The following EYS variants were observed in gnomAD, a reference collection of about 807,000 sequenced individuals.
The protein encoded by EYS is EGF-like photoreceptor maintenance factor.
EYS carries 250 observed loss-of-function variants against 282.1 expected under a neutral mutation model. The ratio of observed to expected loss-of-function variants is 0.89; its 90% CI spans 0.80 to 0.98. The LOEUF (loss-of-function observed/expected upper bound fraction) is 0.98. EYS is among the 50% of genes least tolerant of loss of function. EYS has a pLI of 0.00. For missense variants in EYS, 4,016 were observed against 3,709.0 expected (o/e 1.08, Z -2.15); for synonymous variants, 1,355 against 1,282.9 (o/e 1.06, Z -1.20).
intron 29 of EYS, among the ~76,000 whole-genome samples, chr6:64,371,779 CT>C (rs535721971): frequency 2.0e-5 from 3 of 151,712 alleles, no homozygotes; most frequent in Admixed American, 1.3e-4. Context: ...ACTTCTTTGT[CT>C]TTTTTTTAAA....
At chr6:64,308,803 A>G (rs1175175905) in intron 29 of EYS, among the ~76,000 whole-genome samples, 1 of 152,094 alleles carries the variant, frequency 6.6e-6, no homozygotes, top group African/African-American at 2.4e-5. Flanking sequence ...GTCAAAAATG[A>G]CTGAACTAGA....
intron 36 of EYS, among the ~76,000 whole-genome samples, chr6:63,836,300 G>T (rs1357467452): frequency 6.6e-6 from 1 of 151,834 alleles, no homozygotes; most frequent in African/African-American, 2.4e-5. Flanking sequence ...CAGAAATTCT[G>T]TTTGCTCTTA....
At chr6:63,862,929 T>C (rs1294677570) in intron 36 of EYS, among the ~76,000 whole-genome samples, 1 of 152,230 alleles carries the variant, frequency 6.6e-6, no homozygotes, top group African/African-American at 2.4e-5. Flanking sequence ...CTCAATTCCT[T>C]TCAAAGACCC....
At chr6:64,306,139 T>C (rs1162775890) in intron 30 of EYS, among the ~76,000 whole-genome samples, 1 of 151,966 alleles carries the variant, frequency 6.6e-6, no homozygotes, top group Non-Finnish European at 1.5e-5. Context: ...ATAACAATAA[T>C]TAGGGAAATG....
chr6:64,666,668 G>C (rs1170953441), intron 22 of EYS, among the ~76,000 whole-genome samples: 4 of 152,060 alleles, frequency 2.6e-5, no homozygotes, highest in Non-Finnish European at 5.9e-5. Flanking sequence ...CTACTAACTT[G>C]TGTTTCCAGT....
intron 36 of EYS, among the ~76,000 whole-genome samples, chr6:63,809,272 C>G (rs751473820): frequency 2.1e-4 from 32 of 152,112 alleles, no homozygotes; most frequent in Non-Finnish European, 4.0e-4. Context: ...GACTTTCAAC[C>G]TTACAAATCA....
In EYS at chr6:65,295,426, C is replaced by T. The variant is rs1229985559; in HGVS notation, c.2023+437G>A. 4.6e-5 allele frequency among the ~76,000 whole-genome samples: 7 copies of T among 151,970 alleles called. No homozygotes were observed. In the South Asian group the frequency reaches 8.3e-4, roughly 18 times the overall value. Reference sequence around the variant, plus strand: ...TTTTTCTTAAATGTTATTAACGTCACGGCATCAAACTGACCTAGACAATAC... The same window carrying T: ...TTTTTCTTAAATGTTATTAACGTCATGGCATCAAACTGACCTAGACAATAC... On this transcript the variant is annotated intron_variant, in intron 12 of 42. Transcript: ENST00000503581.
chr6:64,762,464 A>G (rs1011957142), intron 22 of EYS, among the ~76,000 whole-genome samples: 1 of 152,214 alleles, frequency 6.6e-6, no homozygotes, highest in Non-Finnish European at 1.5e-5. Context: ...GTTTCTCTGA[A>G]GAGCAACATG....
intron 32 of EYS, among the ~76,000 whole-genome samples, chr6:64,074,083 T>A (rs540414991): frequency 1.6e-4 from 24 of 151,634 alleles, no homozygotes; most frequent in African/African-American, 5.8e-4. Flanking sequence ...CATTTATTGA[T>A]TTTTTTTCTG....
At chr6:65,091,946 G>C (rs1026771428) in intron 12 of EYS, among the ~76,000 whole-genome samples, 1 of 152,034 alleles carries the variant, frequency 6.6e-6, no homozygotes, top group African/African-American at 2.4e-5. Flanking sequence ...GTGTTTTTCA[G>C]CTACCCGCCA....
intron 29 of EYS, among the ~76,000 whole-genome samples, chr6:64,334,112 A>G (rs796939525): frequency 8.5e-5 from 13 of 152,314 alleles, no homozygotes; most frequent in African/African-American, 3.1e-4. Flanking sequence ...AACATAACAC[A>G]ATGAAGAAGC....
intron 31 of EYS, among the ~76,000 whole-genome samples, chr6:64,198,280 T>TACA (rs1765358328): frequency 6.6e-6 from 1 of 152,032 alleles, no homozygotes; most frequent in Non-Finnish European, 1.5e-5. Flanking sequence ...GGGCTGGGGT[T>TACA]ACAGGTGTGA....
intron 13 of EYS, among the ~76,000 whole-genome samples, chr6:65,019,652 G>T (rs1479647266): frequency 6.6e-6 from 1 of 152,104 alleles, no homozygotes; most frequent in Non-Finnish European, 1.5e-5. Flanking sequence ...CTGTCCATTT[G>T]CCTAGCTTGC....
intron 22 of EYS, among the ~76,000 whole-genome samples, chr6:64,749,946 T>C (rs1015747583): frequency 6.6e-6 from 1 of 152,086 alleles, no homozygotes; most frequent in Non-Finnish European, 1.5e-5. Flanking sequence ...TCATTACTTA[T>C]ATCTTTTAAT....
chr6:64,093,102 CATTGGTCT>C (rs1302994808), intron 31 of EYS, among the ~76,000 whole-genome samples: 26 of 151,936 alleles, frequency 1.7e-4, no homozygotes, highest in Non-Finnish European at 3.5e-4. Flanking sequence ...TGTTCTGTTC[CATTGGTCT>C]ATATCTCTGT....
chr6:65,109,017 AT>A (rs1214878863), intron 12 of EYS, among the ~76,000 whole-genome samples: 1 of 151,364 alleles, frequency 6.6e-6, no homozygotes, highest in African/African-American at 2.4e-5. Context: ...CAGAAATTGT[AT>A]TTTTTTTAGC....
chr6:64,143,786 C>T (rs184129490), intron 31 of EYS, among the ~76,000 whole-genome samples: 95 of 152,296 alleles, frequency 6.2e-4, no homozygotes, highest in Middle Eastern at 3.4e-3. Context: ...CAATAATTAG[C>T]TAAGCCAAAA....
intron 12 of EYS, among the ~76,000 whole-genome samples, chr6:65,213,402 G>T (rs186733864): frequency 2.6e-5 from 4 of 152,250 alleles, no homozygotes; most frequent in Admixed American, 2.6e-4. Context: ...GCTTAATTGT[G>T]CCTTGCAGAT....
intron 26 of EYS, among the ~76,000 whole-genome samples, chr6:64,574,113 C>T (rs1255426092): frequency 6.6e-6 from 1 of 152,168 alleles, no homozygotes; most frequent in Non-Finnish European, 1.5e-5. Flanking sequence ...AGGATGAGTT[C>T]ATGTCCTTTG....
Sources: allele counts gnomAD v4.1 joint callset (sites outside exome capture counted in the v4.1 genomes callset), GRCh38; gene constraint gnomAD v4.1.1; transcripts MANE v1.5; gene names NCBI Gene and HGNC (gene_info 2026-07-23, HGNC 2026-07-21).